Variants in ARHGEF10 observed in about 807,000 individuals in gnomAD.
ARHGEF10 encodes Rho guanine nucleotide exchange factor 10.
In ARHGEF10, 140 loss-of-function variants were observed where a neutral mutation model predicts 147.4. The ratio of observed to expected loss-of-function variants is 0.95; its 90% CI spans 0.83 to 1.09. The LOEUF is 1.09. Among genes scored for constraint, ARHGEF10 ranks in the 50% least tolerant of loss-of-function variants. The probability of loss-of-function intolerance (pLI) is 0.00; values close to 1 mark genes in which losing one functional copy is unlikely to be tolerated. For missense variants in ARHGEF10, 2,222 were observed against 1,752.7 expected, an observed-to-expected ratio of 1.27 and a Z score of -4.78; for synonymous variants, 902 against 695.8, an observed-to-expected ratio of 1.30 and a Z score of -4.67.
At chr8:1,923,164 A>G in intron 19 of ARHGEF10, 85 bp downstream of exon 19, 1 of 1,068,042 alleles carries the variant, frequency 9.4e-7, no homozygotes, top group Non-Finnish European at 1.4e-6. Context: ...AAGTTCTACC[A>G]GAAGTGAGAA....
intron 28 of ARHGEF10, 71 bp from the exon 29 acceptor site, chr8:1,956,678 G>A: frequency 6.3e-7 from 1 of 1,582,662 alleles, no homozygotes; most frequent in Non-Finnish European, 8.7e-7. Flanking sequence ...GTTAAGCCCT[G>A]CACTTTTTGC....
chr8:1,929,594 G>T (rs1173568160), intron 25 of ARHGEF10, 151 bp downstream of exon 25: 32 of 905,316 alleles, frequency 3.5e-5, no homozygotes, highest in Middle Eastern at 7.1e-4. Flanking sequence ...CAAGGCCCGG[G>T]TGCCTTGCTT....
At chr8:1,892,872 A>C (rs1202970854) in intron 11 of ARHGEF10, among the ~76,000 whole-genome samples, 3 of 152,132 alleles carry the variant, frequency 2.0e-5, no homozygotes, top group Non-Finnish European at 4.4e-5. Context: ...AATGAGGGAA[A>C]TGCCGGGCGT....
At chr8:1,942,583 C>T (rs993097897) in intron 26 of ARHGEF10, among the ~76,000 whole-genome samples, 2 of 152,058 alleles carry the variant, frequency 1.3e-5, no homozygotes, top group African/African-American at 4.8e-5. Context: ...CCAGGTGACC[C>T]AGCATTTCCA....
In ARHGEF10 at chr8:1,957,427, T is replaced by C; in HGVS notation, c.*164T>C. The C allele has an allele frequency of 2.1e-6, 2 of 966,270 alleles. No homozygotes were observed. The highest frequency in any genetic ancestry group is 3.1e-6 in the Non-Finnish European group (2 of 655,036). 59.9% of individuals were successfully genotyped at this position (966,270 alleles called of 1,614,324 possible). ...AGCGTAATGGTGGTGTCCCTGCCAATTCCTTCCTTCTCTTCTGTACAGCAG... is the reference window on the plus strand; with the variant it reads ...AGCGTAATGGTGGTGTCCCTGCCAACTCCTTCCTTCTCTTCTGTACAGCAG... On this transcript the variant is annotated 3_prime_UTR_variant, in exon 29 of 29. Coordinates refer to ENST00000349830, the MANE Select transcript of ARHGEF10 (RefSeq NM_014629.4).
At chr8:1,861,260 G>T (rs531831244) in intron 4 of ARHGEF10, among the ~76,000 whole-genome samples, 5 of 152,310 alleles carry the variant, frequency 3.3e-5, no homozygotes, top group South Asian at 4.2e-4. Context: ...GTGTAGTCAC[G>T]CACCAGCTGT....
intron 27 of ARHGEF10, among the ~76,000 whole-genome samples, chr8:1,950,937 G>A (rs1175396226): frequency 1.3e-5 from 2 of 152,010 alleles, no homozygotes; most frequent in East Asian, 1.9e-4. Flanking sequence ...TCCAGAAGCC[G>A]GGCCATCGTT....
At chr8:1,887,452 A>C (rs1808766434) in intron 11 of ARHGEF10, among the ~76,000 whole-genome samples, 2 of 144,954 alleles carry the variant, frequency 1.4e-5, no homozygotes, top group African/African-American at 2.8e-5. Context: ...GGAGATACTG[A>C]GTGGGGTGTG....
At chr8:1,908,635 C>T (rs1056151690) in intron 17 of ARHGEF10, among the ~76,000 whole-genome samples, 1 of 152,164 alleles carries the variant, frequency 6.6e-6, no homozygotes, top group Non-Finnish European at 1.5e-5. Flanking sequence ...CCTGGGGCTG[C>T]GGGGATGCTG....
intron 2 of ARHGEF10, among the ~76,000 whole-genome samples, chr8:1,854,256 G>A (rs190757011): frequency 6.6e-6 from 1 of 152,224 alleles, no homozygotes; most frequent in East Asian, 1.9e-4. Flanking sequence ...CCTCACCATC[G>A]ATGGAGGCCC....
chr8:1,888,409 A>G lies in ARHGEF10; in HGVS notation c.1182+2702A>G, dbSNP rs1239598117. ...AGTTTTGAGGAGACAGTGGGGTGAG[A>G]GTTGTGAGGAGACACTGAGTGTGGA... On this transcript the variant is annotated intron_variant, in intron 11 of 28. Coordinates refer to ENST00000349830, the MANE Select transcript of ARHGEF10 (RefSeq NM_014629.4). Among the ~76,000 whole-genome samples the G allele has an allele frequency of 4.9e-4, 63 of 129,256 alleles. 3 individuals are homozygous for G. The highest frequency in any genetic ancestry group is 1.9e-3 in the African/African-American group (62 of 31,912). 84.8% of individuals were successfully genotyped at this position (129,256 alleles called of 152,430 possible). A position where few individuals can be genotyped will look rare whatever the true frequency, so the allele number is the denominator to read the frequency against.
chr8:1,830,054 G>C (rs752906757), intron 1 of ARHGEF10, among the ~76,000 whole-genome samples: 1 of 152,250 alleles, frequency 6.6e-6, no homozygotes, highest in Non-Finnish European at 1.5e-5. Flanking sequence ...GAGGGCTGCA[G>C]TTTGGAGGCA....
chr8:1,826,472 T>C (rs912226705), intron 1 of ARHGEF10, among the ~76,000 whole-genome samples: 3 of 151,628 alleles, frequency 2.0e-5, no homozygotes, highest in African/African-American at 4.8e-5. Context: ...GATAGAGGCG[T>C]TGGGTGGTGT....
chr8:1,827,318 CT>C (rs1166809987), intron 1 of ARHGEF10, among the ~76,000 whole-genome samples: 1 of 151,610 alleles, frequency 6.6e-6, no homozygotes, highest in Non-Finnish European at 1.5e-5. Flanking sequence ...AAAAAGTGAT[CT>C]TTTTTTTTGA....
At chr8:1,855,111 G>A (rs1306749664) in intron 2 of ARHGEF10, among the ~76,000 whole-genome samples, 1 of 152,194 alleles carries the variant, frequency 6.6e-6, no homozygotes, top group Non-Finnish European at 1.5e-5. Context: ...ATGGGGTACA[G>A]TGTGGGTTCC....
chr8:1,851,116 G>T (rs57028326), intron 2 of ARHGEF10, among the ~76,000 whole-genome samples: 1 of 151,476 alleles, frequency 6.6e-6, no homozygotes, highest in Admixed American at 6.6e-5. Flanking sequence ...GTCATTACAC[G>T]CCTGTCCAAA....
chr8:1,850,631 C>T (rs1445617078), intron 2 of ARHGEF10, among the ~76,000 whole-genome samples: 1 of 152,114 alleles, frequency 6.6e-6, no homozygotes, highest in Non-Finnish European at 1.5e-5. Context: ...CGTGGGAGGG[C>T]AGTTTGGTGG....
At chr8:1,895,867 G>T (rs975751748) in intron 13 of ARHGEF10, among the ~76,000 whole-genome samples, 11 of 151,998 alleles carry the variant, frequency 7.2e-5, no homozygotes, top group Admixed American at 3.3e-4. Context: ...GTAGGGCATT[G>T]TATGTTACGC....
intron 5 of ARHGEF10, 82 bp from the exon 6 acceptor site, chr8:1,866,444 C>T: frequency 1.8e-6 from 2 of 1,102,872 alleles, no homozygotes; most frequent in Admixed American, 1.7e-5. Context: ...CACACACACA[C>T]ACACACTCTG....
Sources: allele counts gnomAD v4.1 joint callset (sites outside exome capture counted in the v4.1 genomes callset), GRCh38; gene constraint gnomAD v4.1.1; transcripts MANE v1.5; gene names NCBI Gene and HGNC (gene_info 2026-07-23, HGNC 2026-07-21).